The following NRG1 variants were observed in gnomAD, a reference collection of about 807,000 sequenced individuals.
NRG1 encodes pro-neuregulin-1, membrane-bound isoform.
In NRG1, 18 loss-of-function variants were observed where a neutral mutation model predicts 63.8. That is an observed-to-expected ratio of 0.28 (90% confidence interval 0.19 to 0.42). NRG1 has a LOEUF of 0.42. Among genes scored for constraint, NRG1 ranks in the 10% least tolerant of loss-of-function variants. NRG1 has a pLI of 1.00. For synonymous variants in NRG1, 302 were observed against 301.3 expected, an observed-to-expected ratio of 1.00 and a Z score of -0.02; for missense variants, 762 against 814.7, an observed-to-expected ratio of 0.94 and a Z score of 0.79.
At chr8:31,979,556 G>A (rs1463578235) in intron 1 of NRG1, among the ~76,000 whole-genome samples, 1 of 151,934 alleles carries the variant, frequency 6.6e-6, no homozygotes, top group Non-Finnish European at 1.5e-5. Context: ...AATTACTTTT[G>A]TTGTAATTAT....
At chr8:32,702,866 G>C (rs1222651831) in intron 5 of NRG1, among the ~76,000 whole-genome samples, 2 of 152,112 alleles carry the variant, frequency 1.3e-5, no homozygotes, top group Admixed American at 1.3e-4. Flanking sequence ...TGAGAAGGCT[G>C]TTTAGACTGT....
At chr8:31,817,184 T>A (rs1481323978) in intron 1 of NRG1, among the ~76,000 whole-genome samples, 1 of 152,170 alleles carries the variant, frequency 6.6e-6, no homozygotes, top group Admixed American at 6.5e-5. Flanking sequence ...AATGAAACTG[T>A]GTAGGAGGAT....
chr8:32,617,071 G>A (rs991000050), intron 5 of NRG1, among the ~76,000 whole-genome samples, 186 bp downstream of exon 5: 7 of 152,092 alleles, frequency 4.6e-5, no homozygotes, highest in Non-Finnish European at 4.4e-5. Flanking sequence ...TAGACATCCT[G>A]TCCTCCCAAT....
intron 1 of NRG1, among the ~76,000 whole-genome samples, chr8:32,040,750 CATATATATATATAT>C (rs71208164): frequency 2.1e-5 from 1 of 48,684 alleles, no homozygotes; most frequent in African/African-American, 6.1e-5. Context: ...AATTTAGGCG[CATATATATATATAT>C]ATATGCGCCT....
At chr8:32,484,064 C>T (rs1011306742) in intron 1 of NRG1, among the ~76,000 whole-genome samples, 7 of 150,384 alleles carry the variant, frequency 4.7e-5, no homozygotes, top group Admixed American at 2.0e-4. Flanking sequence ...GATCGCACCA[C>T]TGCACTCCAG....
Position 32,529,062 on chromosome 8 carries a change from G to A in NRG1, c.38-66766G>A, listed in dbSNP as rs138445774. Among the ~76,000 whole-genome samples, 6 of 152,252 alleles carry A rather than the reference G, an allele frequency of 3.9e-5. No individual in the cohort carries two copies. In the East Asian group the frequency reaches 1.2e-3, roughly 29 times the overall value. On this transcript the variant is annotated intron_variant, in intron 1 of 10. Coordinates refer to the NRG1 transcript ENST00000519301. Reference sequence around the variant, plus strand: ...CCCGTCATTGTGTGAACATCATAGGGTATATTTACACAAACCTAGATGGTA... The same window carrying A: ...CCCGTCATTGTGTGAACATCATAGGATATATTTACACAAACCTAGATGGTA...
At chr8:31,834,952 A>ATCAC (rs1825559389) in intron 1 of NRG1, among the ~76,000 whole-genome samples, 1 of 152,182 alleles carries the variant, frequency 6.6e-6, no homozygotes, top group African/African-American at 2.4e-5. Flanking sequence ...TTCCTATAGA[A>ATCAC]TCACAAGAAT....
intron 1 of NRG1, among the ~76,000 whole-genome samples, chr8:31,851,751 C>T (rs1827247594): frequency 8.7e-6 from 1 of 115,574 alleles, no homozygotes; most frequent in Admixed American, 9.9e-5. Context: ...AATGCCATCC[C>T]TCCCCCCTCC....
At chr8:32,009,163 T>C (rs1470451668) in intron 1 of NRG1, among the ~76,000 whole-genome samples, 1 of 152,074 alleles carries the variant, frequency 6.6e-6, no homozygotes, top group African/African-American at 2.4e-5. Flanking sequence ...TTGTGTTGTA[T>C]AATATGACCG....
chr8:31,688,743 AAGAG>A (rs779328864), intron 1 of NRG1, among the ~76,000 whole-genome samples: 4 of 152,234 alleles, frequency 2.6e-5, no homozygotes, highest in Non-Finnish European at 5.9e-5. Context: ...GGTAAACAAG[AAGAG>A]AGAATGATAG....
chr8:32,587,130 G>C (rs565137873), intron 1 of NRG1, among the ~76,000 whole-genome samples: 1 of 152,124 alleles, frequency 6.6e-6, no homozygotes, highest in African/African-American at 2.4e-5. Context: ...GATCACTTGA[G>C]CTTAAGATTC....
chr8:32,058,261 A>G (rs1823287123), intron 1 of NRG1, among the ~76,000 whole-genome samples: 1 of 152,104 alleles, frequency 6.6e-6, no homozygotes, highest in Admixed American at 6.6e-5. Flanking sequence ...AAGTAAAGGG[A>G]CATACATGGC....
At chr8:32,225,442 A>C (rs1846224456) in intron 1 of NRG1, among the ~76,000 whole-genome samples, 1 of 152,154 alleles carries the variant, frequency 6.6e-6, no homozygotes, top group African/African-American at 2.4e-5. Flanking sequence ...GGAATGCTAA[A>C]ACTATTTTAT....
intron 1 of NRG1, among the ~76,000 whole-genome samples, chr8:32,145,895 G>A (rs1057489700): frequency 6.6e-6 from 1 of 152,176 alleles, no homozygotes; most frequent in East Asian, 1.9e-4. Flanking sequence ...TTGTGAAGTT[G>A]TGCTAACCAT....
At chr8:32,052,152 C>A (rs976687025) in intron 1 of NRG1, among the ~76,000 whole-genome samples, 1 of 151,834 alleles carries the variant, frequency 6.6e-6, no homozygotes, top group Non-Finnish European at 1.5e-5. Context: ...GTCTGAGACA[C>A]AGGAGAGAAT....
chr8:31,844,552 A>C lies in NRG1; in HGVS notation c.37+205121A>C, dbSNP rs558939984. 7.2e-5 allele frequency among the ~76,000 whole-genome samples: 11 copies of C among 152,302 alleles called. 1 individual carries two copies. Among genetic ancestry groups the C allele is most frequent in the Admixed American group, 2.6e-4 (4 of 15,294 alleles). On this transcript the variant is annotated intron_variant, in intron 1 of 10. Transcript: ENST00000519301. ...TAGTGTATTTAACATGGAGAAATGA[A>C]ATCCTCCGAAGGGAGCTTCATGAAC...
chr8:31,934,145 C>G (rs1191872473), intron 1 of NRG1, among the ~76,000 whole-genome samples: 2 of 152,078 alleles, frequency 1.3e-5, no homozygotes, highest in African/African-American at 4.8e-5. Flanking sequence ...AAGCTGAGAA[C>G]CACCTTAGTC....
At chr8:32,567,418 C>T (rs1338831327) in intron 1 of NRG1, among the ~76,000 whole-genome samples, 1 of 152,168 alleles carries the variant, frequency 6.6e-6, no homozygotes, top group Non-Finnish European at 1.5e-5. Context: ...TTTGCCAATG[C>T]ATCAAAAATT....
intron 5 of NRG1, among the ~76,000 whole-genome samples, chr8:32,672,588 G>A (rs1805972516): frequency 6.6e-6 from 1 of 152,132 alleles, no homozygotes. Flanking sequence ...ATATTCTGTA[G>A]AATGGATATT....
Sources: allele counts gnomAD v4.1 joint callset (sites outside exome capture counted in the v4.1 genomes callset), GRCh38; gene constraint gnomAD v4.1.1; transcripts MANE v1.5; gene names NCBI Gene and HGNC (gene_info 2026-07-23, HGNC 2026-07-21).